Variants in EXOC4 observed in about 807,000 individuals in gnomAD.
The protein encoded by EXOC4 is exocyst complex component 4, also known as SEC8-like 1.
EXOC4 carries 71 observed loss-of-function variants against 107.2 expected under a neutral mutation model. The observed-to-expected ratio is 0.66, with a 90% confidence interval of 0.55 to 0.81. The LOEUF (loss-of-function observed/expected upper bound fraction) is 0.81. Among genes scored for constraint, EXOC4 ranks in the 30% least tolerant of loss-of-function variants. EXOC4 has a pLI of 0.00. For missense variants in EXOC4, 1,108 were observed against 1,189.6 expected, an observed-to-expected ratio of 0.93 and a Z score of 1.01; for synonymous variants, 456 against 441.2, an observed-to-expected ratio of 1.03 and a Z score of -0.42.
intron 9 of EXOC4, among the ~76,000 whole-genome samples, chr7:133,492,433 A>G (rs538335807): frequency 2.6e-5 from 4 of 152,228 alleles, no homozygotes; most frequent in South Asian, 4.1e-4. Flanking sequence ...GTATGCTTTT[A>G]TGGTTCTCTT....
chr7:133,266,769 T>A (rs1473698864), intron 1 of EXOC4, among the ~76,000 whole-genome samples: 1 of 152,228 alleles, frequency 6.6e-6, no homozygotes, highest in African/African-American at 2.4e-5. Flanking sequence ...TGACTTTGTC[T>A]GTTTTCAGAA....
At chr7:133,858,501 G>T (rs1798467343) in intron 11 of EXOC4, among the ~76,000 whole-genome samples, 1 of 152,138 alleles carries the variant, frequency 6.6e-6, no homozygotes, top group African/African-American at 2.4e-5. Context: ...GATTCTCCCG[G>T]AGACTGACAG....
chr7:133,903,133 G>C (rs1004357186), intron 12 of EXOC4, among the ~76,000 whole-genome samples: 1 of 152,176 alleles, frequency 6.6e-6, no homozygotes, highest in Non-Finnish European at 1.5e-5. Context: ...AGGCCAGCAT[G>C]GTTGGAGTAA....
chr7:133,877,753 C>T (rs1018906320), intron 11 of EXOC4, among the ~76,000 whole-genome samples: 53 of 152,188 alleles, frequency 3.5e-4, no homozygotes, highest in African/African-American at 1.3e-3. Context: ...CTCACACATG[C>T]TCCCGTTTGC....
At chr7:133,412,701 CTAAT>C (rs1797389505) in intron 7 of EXOC4, among the ~76,000 whole-genome samples, 1 of 151,856 alleles carries the variant, frequency 6.6e-6, no homozygotes, top group Admixed American at 6.6e-5. Flanking sequence ...GGTCATAAGC[CTAAT>C]TCATGTGACA....
At chr7:133,888,268 A>G (rs1799129810) in intron 11 of EXOC4, among the ~76,000 whole-genome samples, 1 of 152,168 alleles carries the variant, frequency 6.6e-6, no homozygotes, top group Admixed American at 6.5e-5. Flanking sequence ...GTACCCCATA[A>G]TCTGTATTTA....
chr7:133,704,011 T>A (rs946845612), intron 10 of EXOC4, among the ~76,000 whole-genome samples: 2 of 152,226 alleles, frequency 1.3e-5, no homozygotes, highest in African/African-American at 2.4e-5. Flanking sequence ...TTTCAGTTCA[T>A]CTTGATAGAG....
intron 11 of EXOC4, among the ~76,000 whole-genome samples, chr7:133,831,321 A>G (rs1797806654): frequency 6.6e-6 from 1 of 152,148 alleles, no homozygotes. Flanking sequence ...GTTATGCTCT[A>G]CTTCCTTAAC....
chr7:133,336,774 G>T, intron 5 of EXOC4, among the ~76,000 whole-genome samples: 1 of 147,946 alleles, frequency 6.8e-6, no homozygotes, highest in Non-Finnish European at 1.5e-5. Context: ...TTGCTCTGTC[G>T]CCAGGCTGGA....
At position 133,791,188 on chromosome 7, in the gene EXOC4, A is replaced by C. The variant is rs2151184669; in HGVS notation, c.1515-26137A>C. Among the ~76,000 whole-genome samples, 4 of 152,352 alleles carry C rather than the reference A, an allele frequency of 2.6e-5. No individual in the cohort carries two copies. The South Asian group carries it at 8.3e-4, about 32-fold the overall frequency. On this transcript the variant is annotated intron_variant, in intron 10 of 17. Coordinates refer to ENST00000253861, the MANE Select transcript of EXOC4 (RefSeq NM_021807.4). Reference sequence around the variant, plus strand: ...AAGCGGGCAACTGATCTCATTCAGCAGCTGCCTGTTTAGGCTACCCAACCC... The same window carrying C: ...AAGCGGGCAACTGATCTCATTCAGCCGCTGCCTGTTTAGGCTACCCAACCC...
chr7:133,375,565 T>C (rs1310027585), intron 7 of EXOC4, among the ~76,000 whole-genome samples: 1 of 152,154 alleles, frequency 6.6e-6, no homozygotes, highest in African/African-American at 2.4e-5. Context: ...TGGCTTTCTG[T>C]CGTAGTATAC....
chr7:133,355,413 C>T (rs1563032556), intron 5 of EXOC4, among the ~76,000 whole-genome samples: 1 of 152,002 alleles, frequency 6.6e-6, no homozygotes, highest in African/African-American at 2.4e-5. Flanking sequence ...TTGTAACGTC[C>T]TGTTTTTTTT....
chr7:134,073,205 CAAAAAA>C, the EXOC4 span, among the ~76,000 whole-genome samples: 71 of 22,598 alleles, frequency 3.1e-3, no homozygotes, highest in African/African-American at 0.012. Context: ...GACTTCCTCT[CAAAAAA>C]AAAAAAAAAA....
chr7:133,782,169 A>G (rs1281936167), intron 10 of EXOC4, among the ~76,000 whole-genome samples: 1 of 152,162 alleles, frequency 6.6e-6, no homozygotes, highest in Non-Finnish European at 1.5e-5. Flanking sequence ...GGAAGTAAAA[A>G]ATCCAGACAT....
At chr7:133,907,905 G>C (rs1018520209) in intron 12 of EXOC4, among the ~76,000 whole-genome samples, 1 of 152,162 alleles carries the variant, frequency 6.6e-6, no homozygotes, top group African/African-American at 2.4e-5. Context: ...TGAACTCTTA[G>C]CTTCCAGAAG....
At chr7:134,063,434 C>T (rs1002250758) in intron 17 of EXOC4, among the ~76,000 whole-genome samples, 11 of 152,182 alleles carry the variant, frequency 7.2e-5, no homozygotes, top group Admixed American at 7.2e-4. Flanking sequence ...AACTTAGAGT[C>T]AGAAACCTGG....
intron 10 of EXOC4, among the ~76,000 whole-genome samples, chr7:133,752,236 T>A (rs1795809339): frequency 6.6e-6 from 1 of 152,184 alleles, no homozygotes; most frequent in African/African-American, 2.4e-5. Context: ...AGGACTCATT[T>A]ATGTTTCTCA....
intron 10 of EXOC4, among the ~76,000 whole-genome samples, chr7:133,723,547 A>G (rs571202908): frequency 8.6e-4 from 130 of 151,760 alleles, no homozygotes; most frequent in African/African-American, 3.0e-3. Flanking sequence ...CTGGAGTGCA[A>G]TGGCGTGATC....
In EXOC4 at chr7:133,747,080, G is replaced by A. The variant is rs141307037; in HGVS notation, c.1515-70245G>A. 8.5e-4 allele frequency among the ~76,000 whole-genome samples: 129 copies of A among 152,248 alleles called. 3 individuals are homozygous for A. In the East Asian group the frequency reaches 0.021, roughly 25 times the overall value. Reference sequence around the variant, plus strand: ...GACAAAAGGTATGTTGTTTGAAGCAGCACTTAGAAAAACATCCACTTCTCT... The same window carrying A: ...GACAAAAGGTATGTTGTTTGAAGCAACACTTAGAAAAACATCCACTTCTCT... On this transcript the variant is annotated intron_variant, in intron 10 of 17. Transcript: ENST00000253861.
Sources: allele counts gnomAD v4.1 joint callset (sites outside exome capture counted in the v4.1 genomes callset), GRCh38; gene constraint gnomAD v4.1.1; transcripts MANE v1.5; gene names NCBI Gene and HGNC (gene_info 2026-07-23, HGNC 2026-07-21).